The following DNAH1 variants were observed in gnomAD, a reference collection of about 807,000 sequenced individuals.
DNAH1 encodes axonemal beta dynein heavy chain 1.
In DNAH1, 327 loss-of-function variants were observed where a neutral mutation model predicts 484.3. That is an observed-to-expected ratio of 0.68 (90% CI 0.62 to 0.74). The LOEUF (loss-of-function observed/expected upper bound fraction) is 0.74. DNAH1 is among the 30% of genes least tolerant of loss of function. DNAH1 has a pLI of 0.00. For synonymous variants in DNAH1, 2,192 were observed against 2,191.9 expected (o/e 1.00, Z 0.00); for missense variants, 5,052 against 5,546.8 (o/e 0.91, Z 2.83).
intron 63 of DNAH1, 64 bp downstream of exon 63, chr3:52,391,667 C>A: frequency 6.3e-7 from 1 of 1,589,296 alleles, no homozygotes. Context: ...AGCTGCTCCT[C>A]TCCCACCCCC....
At position 52,393,041 on chromosome 3, in the gene DNAH1, C is replaced by T; in HGVS notation, c.10474+16C>T. The stretch of plus-strand genomic sequence containing the variant: ...GAGAGAGCAGGTAGCACCGGCATGC[C>T]AGGCTCCTACCCTGCACAGATATGA... On this transcript the variant is annotated intron_variant, in intron 65 of 77. Transcript: ENST00000420323. The T allele has an allele frequency of 6.2e-7, 1 of 1,611,366 alleles. No individual in the cohort carries two copies. Among genetic ancestry groups the T allele is most frequent in the South Asian group, 1.1e-5 (1 of 90,966 alleles).
chr3:52,331,370 T>C (rs1248127907), intron 7 of DNAH1, 61 bp downstream of exon 7: 1 of 1,537,984 alleles, frequency 6.5e-7, no homozygotes, highest in Non-Finnish European at 8.8e-7. Context: ...GGCCTGTGAC[T>C]GAGGCCAACT....
rs781288961 is a variant in DNAH1, at chr3:52,372,330, C to T, written c.6770C>T (p.Ser2257Leu). 2 of 1,613,908 alleles carry T rather than the reference C, an allele frequency of 1.2e-6. No homozygotes were observed. Among genetic ancestry groups the T allele is most frequent in the Non-Finnish European group, 1.7e-6 (2 of 1,179,892 alleles). Residue 2257 changes from serine to leucine, a missense_variant, in exon 43 of 78, where the codon TCA becomes TTA. Physicochemically the swap from Ser to Leu is moderately radical, Grantham distance 145. Around this residue, in one of 4 missense-constraint regions of DNAH1, gnomAD observed 2,929 missense variants for 3,409.4 expected, o/e 0.86. Transcript: ENST00000420323. Reference protein sequence around the residue: ...LDYISHFLTFSARTSANQTQD... With the variant: ...LDYISHFLTFLARTSANQTQD... Reference sequence around the variant, plus strand: ...TACATCAGCCACTTCCTCACCTTCTCAGCCCGCACTTCAGCCAACCAGACC... The same window carrying T: ...TACATCAGCCACTTCCTCACCTTCTTAGCCCGCACTTCAGCCAACCAGACC...
At chr3:52,328,110 A>G in intron 6 of DNAH1, 96 bp downstream of exon 6, 2 of 1,511,674 alleles carry the variant, frequency 1.3e-6, no homozygotes, top group Non-Finnish European at 1.8e-6. Flanking sequence ...CAGCCACCGG[A>G]GGCGAGGGGT....
intron 65 of DNAH1, 148 bp downstream of exon 65, chr3:52,393,173 G>C: frequency 2.8e-6 from 4 of 1,421,602 alleles, no homozygotes; most frequent in Non-Finnish European, 2.9e-6. Flanking sequence ...CACACAGCAC[G>C]CCTACCCTCC....
At chr3:52,380,189 TC>T in intron 48 of DNAH1, 54 bp downstream of exon 48, 2 of 1,480,066 alleles carry the variant, frequency 1.4e-6, no homozygotes, top group Non-Finnish European at 1.8e-6. Flanking sequence ...TCAATCTGCC[TC>T]CCTGGGGCCC....
rs1702919406 is a variant in DNAH1, at chr3:52,362,841, C to G, written c.5095-154C>G. On this transcript the variant is annotated intron_variant, in intron 31 of 77. Coordinates refer to ENST00000420323, the MANE Select transcript of DNAH1 (RefSeq NM_015512.5). This position sits in a 1 kb window ranked among gnomAD's most constrained non-coding sequence, Gnocchi z 5.1. ...CAACACCAAGGATCCACTCTAATGG[C>G]AGAGCTACCAGTCTCAGGGGAGTGA... 6.6e-6 allele frequency among the ~76,000 whole-genome samples: 1 copy of G among 152,146 alleles called. No homozygotes were observed. The highest frequency in any genetic ancestry group is 2.4e-5 in the African/African-American group (1 of 41,428).
At chr3:52,349,528 T>A in intron 14 of DNAH1, 108 bp downstream of exon 14, 1 of 1,070,898 alleles carries the variant, frequency 9.3e-7, no homozygotes. Context: ...GTCTGGGGTG[T>A]CTGTGGATGC....
chr3:52,318,893 G>T (rs1350652158), intron 1 of DNAH1, among the ~76,000 whole-genome samples: 1 of 152,184 alleles, frequency 6.6e-6, no homozygotes, highest in Non-Finnish European at 1.5e-5. Context: ...AGAACCCCGG[G>T]GTGTGAAATG....
chr3:52,350,943 G>C (rs148591237), intron 16 of DNAH1, among the ~76,000 whole-genome samples: 2,829 of 152,314 alleles, frequency 0.019, 78 homozygotes, highest in African/African-American at 0.064. Context: ...CCGCCTCCAG[G>C]GTTCAAGTGA....
intron 8 of DNAH1, among the ~76,000 whole-genome samples, chr3:52,337,617 A>G (rs1471392070): frequency 6.6e-6 from 1 of 152,226 alleles, no homozygotes; most frequent in African/African-American, 2.4e-5. Flanking sequence ...GTATTGTAAT[A>G]TAATGCTATG....
chr3:52,360,454 A>G (rs779537163), intron 28 of DNAH1, 30 bp downstream of exon 28: 4 of 1,568,490 alleles, frequency 2.6e-6, no homozygotes, highest in Non-Finnish European at 1.8e-6. Context: ...TCCTTCCCAC[A>G]CTGAGACCCT....
chr3:52,399,282 T>G, intron 76 of DNAH1, 81 bp downstream of exon 76: 1 of 1,429,394 alleles, frequency 7.0e-7, no homozygotes, highest in Non-Finnish European at 9.4e-7. Context: ...CACGGTTGGT[T>G]GGCAGTTGGG....
intron 52 of DNAH1, among the ~76,000 whole-genome samples, 154 bp downstream of exon 52, chr3:52,384,185 C>T (rs1703995291): frequency 6.6e-6 from 1 of 152,222 alleles, no homozygotes; most frequent in African/African-American, 2.4e-5. Context: ...TCCATTTCCT[C>T]ATCTGTAAAT....
At position 52,384,980 on chromosome 3, in the gene DNAH1, G is replaced by A; in HGVS notation, c.8514+3G>A. 1 of 1,610,502 alleles carries A rather than the reference G, an allele frequency of 6.2e-7. No individual in the cohort carries two copies. The highest frequency in any genetic ancestry group is 8.5e-7 in the Non-Finnish European group (1 of 1,178,238). ...GCATGAAGAGCGGCCTCGACAAGGTGGGCCCAGGCGAGTCCCCGTGGACAA... is the reference window on the plus strand; with the variant it reads ...GCATGAAGAGCGGCCTCGACAAGGTAGGCCCAGGCGAGTCCCCGTGGACAA... On this transcript the variant is annotated splice_donor_region_variant and intron_variant, in intron 53 of 77. Transcript: ENST00000420323.
rs780434919 is a variant in DNAH1 at position 52,372,261 on chromosome 3, C to T, written c.6701C>T (p.Thr2234Met). ...LCIGPTGTGK[T>M]LTISDKLLKN... ...ATTGGGCCAACAGGCACGGGGAAGA[C>T]GCTCACCATCTCTGACAAGCTCCTC... The change falls in exon 43 of 78, where the codon ACG becomes ATG. Residue 2234 changes from threonine to methionine, a missense_variant. Thr to Met is a moderately conservative substitution (Grantham distance 81). Around this residue, in one of 4 missense-constraint regions of DNAH1, gnomAD observed 2,929 missense variants for 3,409.4 expected, o/e 0.86. Transcript: ENST00000420323. The T allele has an allele frequency of 1.1e-5, 17 of 1,613,848 alleles. No homozygotes were observed. The highest frequency in any genetic ancestry group is 3.3e-5 in the Admixed American group (2 of 59,998).
At chr3:52,320,921 C>A (rs537764984) in intron 1 of DNAH1, among the ~76,000 whole-genome samples, 1 of 151,306 alleles carries the variant, frequency 6.6e-6, no homozygotes, top group Non-Finnish European at 1.5e-5. Context: ...CTGCCTCAGC[C>A]TCCGGAGTAG....
At chr3:52,333,189 A>G (rs189713491) in intron 8 of DNAH1, among the ~76,000 whole-genome samples, 212 of 152,242 alleles carry the variant, frequency 1.4e-3, no homozygotes, top group African/African-American at 4.9e-3. Flanking sequence ...CCCGGCTGGA[A>G]GTTCCTTTTA....
intron 22 of DNAH1, among the ~76,000 whole-genome samples, chr3:52,357,036 T>TG (rs1412320780): frequency 2.8e-4 from 42 of 151,122 alleles, no homozygotes; most frequent in African/African-American, 8.1e-4. Context: ...GTTTTTTTTT[T>TG]TTTGTTTTTT....
Sources: gnomAD v4.1 joint callset for allele counts (sites outside exome capture counted in the v4.1 genomes callset) on GRCh38, gnomAD v4.1.1 for gene constraint, gnomAD v4.1.1 regional missense constraint, Gnocchi (gnomAD v3.1) non-coding constraint, MANE v1.5 for transcripts, NCBI Gene and HGNC (gene_info 2026-07-23, HGNC 2026-07-21) for gene names.